TFDP2: variants seen among roughly 807,000 people sequenced by gnomAD.
The protein encoded by TFDP2 is transcription factor Dp-2.
TFDP2 carries 17 observed loss-of-function variants against 59.3 expected under a neutral mutation model. The ratio of observed to expected loss-of-function variants is 0.29; its 90% CI spans 0.20 to 0.43. The LOEUF is 0.43. TFDP2 is among the 20% of genes least tolerant of loss of function. TFDP2 has a pLI of 1.00. For missense variants in TFDP2, 391 were observed against 528.8 expected (o/e 0.74, Z 2.56); for synonymous variants, 180 against 194.7 (o/e 0.92, Z 0.63).
At chr3:142,000,606 C>G (rs1314344408) in intron 4 of TFDP2, among the ~76,000 whole-genome samples, 1 of 152,162 alleles carries the variant, frequency 6.6e-6, no homozygotes, top group Admixed American at 6.5e-5. Flanking sequence ...TTCCAATAGT[C>G]TCACAAGTCT....
chr3:142,148,017 A>T (rs1443957524), intron 1 of TFDP2, among the ~76,000 whole-genome samples: 2 of 152,158 alleles, frequency 1.3e-5, no homozygotes, highest in African/African-American at 4.8e-5. Context: ...TATGCCATAT[A>T]GAAAATAGAT....
At chr3:142,010,630 C>A (rs866644645) in intron 3 of TFDP2, among the ~76,000 whole-genome samples, 1,721 of 112,064 alleles carry the variant, frequency 0.015, 29 homozygotes, top group Middle Eastern at 0.041. Context: ...AAAAAAAAAA[C>A]CTACCATCAG....
Position 142,135,657 on chromosome 3 carries a change from TGG to T in TFDP2, c.-93+13524_-93+13525del, listed in dbSNP as rs1204019228. ...ACTATAAGGGAGAACATATGGTGTT[TGG>T]TTTTCTGTCCTTGTGATAGTTTGCT... On this transcript the variant is annotated intron_variant, in intron 1 of 12. Transcript: ENST00000489671. Among the ~76,000 whole-genome samples, 16 of 152,042 alleles carry T rather than the reference TGG, an allele frequency of 1.1e-4. No homozygotes were observed. The East Asian group carries it at 1.9e-3, about 18-fold the overall frequency.
intron 1 of TFDP2, among the ~76,000 whole-genome samples, chr3:142,137,377 T>C (rs1344465352): frequency 6.6e-6 from 1 of 152,222 alleles, no homozygotes; most frequent in East Asian, 1.9e-4. Context: ...CTTTATTTCT[T>C]TCTCTTGCCT....
chr3:142,040,397 C>T (rs1044394790), intron 3 of TFDP2, among the ~76,000 whole-genome samples: 1 of 152,092 alleles, frequency 6.6e-6, no homozygotes, highest in African/African-American at 2.4e-5. Context: ...TGAGACCACC[C>T]TGAGTAACGT....
At chr3:141,960,066 C>T (rs1304594159) in intron 10 of TFDP2, among the ~76,000 whole-genome samples, 1 of 152,052 alleles carries the variant, frequency 6.6e-6, no homozygotes, top group Non-Finnish European at 1.5e-5. Context: ...TGATAGAAAC[C>T]CACAAACTTT....
intron 3 of TFDP2, among the ~76,000 whole-genome samples, chr3:142,040,114 AACACAC>A (rs61576382): frequency 1.3e-5 from 2 of 150,306 alleles, no homozygotes; most frequent in African/African-American, 2.4e-5. Flanking sequence ...CACAAAATAA[AACACAC>A]ACACACACAC....
chr3:141,984,751 G>A (rs1212419311), intron 6 of TFDP2, among the ~76,000 whole-genome samples: 17 of 152,144 alleles, frequency 1.1e-4, no homozygotes, highest in Non-Finnish European at 1.8e-4. Context: ...TGATGCTTAA[G>A]TTTTGATGAT....
chr3:142,025,293 C>T (rs1945984794), intron 3 of TFDP2, among the ~76,000 whole-genome samples: 1 of 152,164 alleles, frequency 6.6e-6, no homozygotes, highest in South Asian at 2.1e-4. Flanking sequence ...ATGTGCTCTT[C>T]TCAACCATAA....
chr3:142,038,211 T>A (rs1449447054), intron 3 of TFDP2, among the ~76,000 whole-genome samples: 1 of 151,898 alleles, frequency 6.6e-6, no homozygotes. Flanking sequence ...AGTGAAACCC[T>A]GTCTCTACTA....
chr3:141,993,498 A>G (rs769242877), intron 6 of TFDP2, 40 bp downstream of exon 6: 1 of 1,390,800 alleles, frequency 7.2e-7, no homozygotes, highest in South Asian at 1.3e-5. Flanking sequence ...CTCTCTATAT[A>G]GCCAAATCTT....
intron 3 of TFDP2, among the ~76,000 whole-genome samples, chr3:142,019,114 G>GA (rs1398283791): frequency 6.6e-6 from 1 of 150,528 alleles, no homozygotes; most frequent in Non-Finnish European, 1.5e-5. Context: ...GCCCAGGCTG[G>GA]ACTGCAATGG....
chr3:142,099,390 T>C (rs2061256163), intron 2 of TFDP2, among the ~76,000 whole-genome samples: 1 of 152,100 alleles, frequency 6.6e-6, no homozygotes, highest in South Asian at 2.1e-4. Context: ...GTCCCATTGC[T>C]TTACAATGAT....
chr3:142,056,340 C>A, intron 3 of TFDP2, among the ~76,000 whole-genome samples: 1 of 150,742 alleles, frequency 6.6e-6, no homozygotes, highest in African/African-American at 2.4e-5. Flanking sequence ...CAGTTTATTC[C>A]CATGGAGAAG....
At chr3:141,973,711 C>G (rs1294540080) in intron 8 of TFDP2, among the ~76,000 whole-genome samples, 1 of 135,788 alleles carries the variant, frequency 7.4e-6, no homozygotes, top group East Asian at 2.2e-4. Context: ...TGGATACATA[C>G]AGCAAGCATC....
At chr3:142,051,841 T>C (rs1234472538) in intron 3 of TFDP2, among the ~76,000 whole-genome samples, 3 of 152,088 alleles carry the variant, frequency 2.0e-5, no homozygotes, top group African/African-American at 4.8e-5. Flanking sequence ...AAATTTATCA[T>C]AAGGCTGGAC....
At chr3:142,042,697 G>A (rs1489423748) in intron 3 of TFDP2, among the ~76,000 whole-genome samples, 2 of 116,146 alleles carry the variant, frequency 1.7e-5, no homozygotes, top group African/African-American at 6.5e-5. Context: ...TTTATATATA[G>A]CTTTTTGTAG....
intron 6 of TFDP2, among the ~76,000 whole-genome samples, chr3:141,984,465 C>T (rs1231449410): frequency 2.0e-5 from 3 of 152,116 alleles, no homozygotes; most frequent in Non-Finnish European, 4.4e-5. Flanking sequence ...CCACCGTACA[C>T]GCCTGGCGAC....
intron 1 of TFDP2, among the ~76,000 whole-genome samples, chr3:142,130,503 T>TA (rs1240142945): frequency 6.6e-6 from 1 of 151,858 alleles, no homozygotes; most frequent in African/African-American, 2.4e-5. Context: ...TTTTTTTTTT[T>TA]TATACTTTTA....
Sources: gnomAD v4.1 joint callset for allele counts (sites outside exome capture counted in the v4.1 genomes callset) on GRCh38, gnomAD v4.1.1 for gene constraint, MANE v1.5 for transcripts, NCBI Gene and HGNC (gene_info 2026-07-23, HGNC 2026-07-21) for gene names.